Variants in RMDN2 observed in about 807,000 individuals in gnomAD.
RMDN2 encodes the protein regulator of microtubule dynamics protein 2.
Under a neutral mutation model 52.8 loss-of-function variants are expected in RMDN2, and 61 were observed. The observed-to-expected ratio is 1.16, with a 90% CI of 0.94 to 1.43. RMDN2 has a LOEUF of 1.43. Ranked by LOEUF, RMDN2 falls within the 40% of genes most tolerant of loss-of-function variation. RMDN2 has a pLI of 0.00. For synonymous variants in RMDN2, 180 were observed against 153.1 expected, an observed-to-expected ratio of 1.18 and a Z score of -1.30; for missense variants, 592 against 475.3, an observed-to-expected ratio of 1.25 and a Z score of -2.28.
At chr2:37,982,672 T>G (rs1673479002) in intron 5 of RMDN2, among the ~76,000 whole-genome samples, 1 of 152,150 alleles carries the variant, frequency 6.6e-6, no homozygotes, top group African/African-American at 2.4e-5. Context: ...AGATAAAGTA[T>G]TGTTTTGTAC....
At chr2:37,985,413 T>C (rs1673872668) in intron 5 of RMDN2, among the ~76,000 whole-genome samples, 1 of 151,718 alleles carries the variant, frequency 6.6e-6, no homozygotes, top group South Asian at 2.1e-4. Context: ...GCTAGTAGAG[T>C]AGGGAAATCA....
At chr2:38,051,101 TCAC>T (rs1681568424) in intron 10 of RMDN2, among the ~76,000 whole-genome samples, 1 of 152,084 alleles carries the variant, frequency 6.6e-6, no homozygotes, top group African/African-American at 2.4e-5. Flanking sequence ...AGGAAAGACA[TCAC>T]CAACACCAGT....
intron 2 of RMDN2, among the ~76,000 whole-genome samples, chr2:37,958,125 T>C (rs1380365859): frequency 6.6e-6 from 1 of 152,182 alleles, no homozygotes; most frequent in African/African-American, 2.4e-5. Flanking sequence ...CTTGACTATA[T>C]GGGCTCTTTT....
intron 8 of RMDN2, among the ~76,000 whole-genome samples, chr2:37,998,944 C>T (rs1675945346): frequency 6.6e-6 from 1 of 152,098 alleles, no homozygotes; most frequent in African/African-American, 2.4e-5. Context: ...AATTAGTTCC[C>T]TCTTTTTAAA....
At chr2:38,032,932 A>G (rs551944433) in intron 10 of RMDN2, 1 of 152,352 alleles carries the variant, frequency 6.6e-6, no homozygotes, top group Admixed American at 6.5e-5. Flanking sequence ...TAAAAACCCC[A>G]AAGTGGCATT....
chr2:38,060,446 A>G (rs986163558), intron 10 of RMDN2, among the ~76,000 whole-genome samples: 59 of 152,218 alleles, frequency 3.9e-4, no homozygotes, highest in African/African-American at 1.3e-3. Context: ...TTTTTCCTCA[A>G]TATCAGTGCC....
intron 2 of RMDN2, among the ~76,000 whole-genome samples, chr2:37,945,052 C>G (rs1668112296): frequency 6.6e-6 from 1 of 152,156 alleles, no homozygotes; most frequent in South Asian, 2.1e-4. Flanking sequence ...CTTGCAGACT[C>G]TTGGGAAACT....
chr2:38,039,044 CTA>C lies in RMDN2; in HGVS notation c.1714-27935_1714-27934del, dbSNP rs1205651074. Reference sequence around the variant, plus strand: ...TGAGCAACAGTTTAAAAGCCAGATGCTATACACACACACACACACACACACAC... The same window carrying C: ...TGAGCAACAGTTTAAAAGCCAGATGCTACACACACACACACACACACACAC... On this transcript the variant is annotated intron_variant, in intron 10 of 10. Coordinates refer to the RMDN2 transcript ENST00000234195. Among the ~76,000 whole-genome samples, 104 of 105,564 alleles carry C rather than the reference CTA, an allele frequency of 9.9e-4. 1 individual carries two copies. The highest frequency in any genetic ancestry group is 4.9e-3 in the Admixed American group (44 of 9,072). 69.3% of individuals were successfully genotyped at this position (105,564 alleles called of 152,430 possible).
chr2:38,023,748 G>A (rs1021779691), intron 10 of RMDN2, among the ~76,000 whole-genome samples: 1 of 152,168 alleles, frequency 6.6e-6, no homozygotes, highest in African/African-American at 2.4e-5. Context: ...TTAGATACTT[G>A]AAGCCAAATC....
rs748490087 is a variant in RMDN2, at chr2:37,975,253, T to C, written c.669T>C (p.Ala223=). 2 of 1,611,528 alleles carry C rather than the reference T, an allele frequency of 1.2e-6. No homozygotes were observed. The highest frequency in any genetic ancestry group is 2.2e-5 in the South Asian group (2 of 90,964). ...EIEFMWRFAR[A]YGDMYELSTN... ...AGTTTATGTGGCGATTTGCTCGTGC[T>C]TATGGAGACATGTATGAACTATCTA... Residue 223 remains alanine (A), a synonymous_variant, in exon 4 of 11, where the codon GCT becomes GCC. Transcript: ENST00000354545.
chr2:37,969,418 C>T (rs1174155755), intron 2 of RMDN2, among the ~76,000 whole-genome samples: 1 of 151,538 alleles, frequency 6.6e-6, no homozygotes, highest in Non-Finnish European at 1.5e-5. Context: ...CCAGAAAACT[C>T]ATTTTAAAAC....
At chr2:38,031,482 C>T (rs1680201197) in intron 10 of RMDN2, among the ~76,000 whole-genome samples, 1 of 151,914 alleles carries the variant, frequency 6.6e-6, no homozygotes. Flanking sequence ...TGATGTAATG[C>T]TGTGAATTTT....
chr2:38,012,644 G>A (rs1206502444), intron 10 of RMDN2: 2 of 464,474 alleles, frequency 4.3e-6, no homozygotes, highest in African/African-American at 2.0e-5. Flanking sequence ...TTTCCAAGTA[G>A]TAAAGGTATG....
At chr2:38,007,140 C>T (rs1198540439) in intron 10 of RMDN2, among the ~76,000 whole-genome samples, 2 of 152,176 alleles carry the variant, frequency 1.3e-5, no homozygotes, top group African/African-American at 4.8e-5. Flanking sequence ...CATCGATGTT[C>T]ATCAGGGATA....
chr2:37,936,943 G>A (rs1315938402), intron 2 of RMDN2, among the ~76,000 whole-genome samples: 8 of 152,148 alleles, frequency 5.3e-5, no homozygotes, highest in Admixed American at 5.2e-4. Context: ...ATTGCTTTTG[G>A]TGTTTTAGTC....
intron 4 of RMDN2, 30 bp from the exon 5 acceptor site, chr2:37,981,253 G>C: frequency 3.1e-6 from 4 of 1,293,382 alleles, no homozygotes; most frequent in Non-Finnish European, 4.5e-6. Context: ...TCACATGAAG[G>C]TATTAAGTGT....
intron 10 of RMDN2, among the ~76,000 whole-genome samples, chr2:38,004,873 G>A (rs879564643): frequency 2.8e-5 from 4 of 142,728 alleles, no homozygotes; most frequent in East Asian, 2.3e-4. Context: ...AACAGGCCCC[G>A]GTGTGTGATG....
chr2:38,016,010 A>G (rs370908749), intron 10 of RMDN2, among the ~76,000 whole-genome samples: 13 of 152,248 alleles, frequency 8.5e-5, no homozygotes, highest in Admixed American at 1.3e-4. Flanking sequence ...TTGCATAAAT[A>G]TAGCCAATAT....
At chr2:38,039,660 G>C (rs1680831218) in intron 10 of RMDN2, among the ~76,000 whole-genome samples, 1 of 152,178 alleles carries the variant, frequency 6.6e-6, no homozygotes, top group Admixed American at 6.5e-5. Context: ...TCCCTTGCCA[G>C]AAAATCACCC....
Sources: gnomAD v4.1 joint callset for allele counts (sites outside exome capture counted in the v4.1 genomes callset) on GRCh38, gnomAD v4.1.1 for gene constraint, MANE v1.5 for transcripts, NCBI Gene and HGNC (gene_info 2026-07-23, HGNC 2026-07-21) for gene names.